CEP170: variants seen among roughly 807,000 people sequenced by gnomAD.
CEP170 encodes centrosomal protein of 170 kDa.
Under a neutral mutation model 151.9 loss-of-function variants are expected in CEP170, and 21 were observed. The ratio of observed to expected loss-of-function variants is 0.14; its 90% CI spans 0.10 to 0.20. The LOEUF (loss-of-function observed/expected upper bound fraction) is 0.20. Ranked by LOEUF, CEP170 falls within the 10% of genes least tolerant of loss-of-function variation. The pLI, the probability that CEP170 is intolerant of heterozygous loss-of-function variation, is 1.00. For synonymous variants in CEP170, 356 were observed against 648.8 expected, an observed-to-expected ratio of 0.55 and a Z score of 6.86; for missense variants, 964 against 1,892.9, an observed-to-expected ratio of 0.51 and a Z score of 9.11.
Position 243,167,610 on chromosome 1 carries a change from A to T in CEP170, c.1844-1494T>A, listed in dbSNP as rs573283118. On this transcript the variant is annotated intron_variant, in intron 12 of 19. Coordinates refer to ENST00000366542, the MANE Select transcript of CEP170 (RefSeq NM_014812.3). ...AAGCTTCCTAATCTTTTAGGGATAA[A>T]TGGAGAAAAGATACTAGATATAGCT... 2.6e-5 allele frequency among the ~76,000 whole-genome samples: 4 copies of T among 151,934 alleles called. No homozygotes were observed. In the South Asian group the frequency reaches 8.3e-4, roughly 32 times the overall value.
chr1:243,154,025 T>C (rs1353721503), intron 14 of CEP170, among the ~76,000 whole-genome samples: 2 of 152,252 alleles, frequency 1.3e-5, no homozygotes, highest in Non-Finnish European at 2.9e-5. Flanking sequence ...GAAAGAAACC[T>C]TCCCTCATCA....
In CEP170 at chr1:243,135,596, C is replaced by T. The variant is rs1204545744; in HGVS notation, c.4319+547G>A. 1.5e-4 allele frequency among the ~76,000 whole-genome samples: 23 copies of T among 152,080 alleles called. No individual in the cohort carries two copies. In the South Asian group the frequency reaches 4.6e-3, roughly 30 times the overall value. On this transcript the variant is annotated intron_variant, in intron 17 of 19. Transcript: ENST00000366542. ...GCCAAGTAAAATTTACCTATATAGG[C>T]CAACTTTCTACATTTCCTTCTGAAT...
chr1:243,239,242 G>A (rs1290126754), intron 1 of CEP170, among the ~76,000 whole-genome samples: 2 of 152,060 alleles, frequency 1.3e-5, no homozygotes, highest in Admixed American at 6.6e-5. Context: ...CCGTCTTAGC[G>A]AATGGCATCA....
chr1:243,198,729 T>C (rs1200936677), intron 7 of CEP170, among the ~76,000 whole-genome samples: 2 of 152,064 alleles, frequency 1.3e-5, no homozygotes, highest in African/African-American at 4.8e-5. Flanking sequence ...TTTGGTCTAA[T>C]TGATATATTT....
chr1:243,172,392 T>C (rs1337544756), intron 11 of CEP170, among the ~76,000 whole-genome samples: 1 of 152,198 alleles, frequency 6.6e-6, no homozygotes, highest in Non-Finnish European at 1.5e-5. Context: ...CCTCGCACCA[T>C]GGGAGGCTGA....
chr1:243,248,912 C>G (rs1387026167), intron 1 of CEP170, among the ~76,000 whole-genome samples: 1 of 152,102 alleles, frequency 6.6e-6, no homozygotes, highest in Non-Finnish European at 1.5e-5. Flanking sequence ...TATCCCATTC[C>G]TGCCTCAGAA....
intron 14 of CEP170, among the ~76,000 whole-genome samples, chr1:243,151,140 C>A (rs2057034669): frequency 1.3e-5 from 2 of 152,222 alleles, no homozygotes; most frequent in African/African-American, 4.8e-5. Context: ...GCCCTCACGG[C>A]TTCCTGTTTC....
chr1:243,161,074 G>A (rs1427596470), intron 13 of CEP170, among the ~76,000 whole-genome samples: 3 of 149,196 alleles, frequency 2.0e-5, no homozygotes, highest in Non-Finnish European at 4.4e-5. Flanking sequence ...TGTAATGCCA[G>A]CACTCTGGGA....
At chr1:243,219,307 T>C (rs1183815376) in intron 3 of CEP170, among the ~76,000 whole-genome samples, 2 of 152,240 alleles carry the variant, frequency 1.3e-5, no homozygotes, top group Admixed American at 1.3e-4. Context: ...ACTCATTACA[T>C]GTTTACACAC....
At chr1:243,249,418 A>AAAAT (rs74729358) in intron 1 of CEP170, among the ~76,000 whole-genome samples, 3,155 of 148,392 alleles carry the variant, frequency 0.021, 47 homozygotes, top group African/African-American at 0.037. Context: ...ACTCTGTCTC[A>AAAAT]AAATAAATAA....
Position 243,238,238 on chromosome 1 carries a change from C to T in CEP170, c.-41-12917G>A, listed in dbSNP as rs778505701. On this transcript the variant is annotated intron_variant, in intron 1 of 19. Coordinates refer to ENST00000366542, the MANE Select transcript of CEP170 (RefSeq NM_014812.3). ...GCCGAGGTGGGACGATCACTTGAGCCGAGGAATTCAGGACCAACCTAGGCA... is the reference window on the plus strand; with the variant it reads ...GCCGAGGTGGGACGATCACTTGAGCTGAGGAATTCAGGACCAACCTAGGCA... 4.6e-5 allele frequency among the ~76,000 whole-genome samples: 7 copies of T among 151,882 alleles called. No individual in the cohort carries two copies. The South Asian group carries it at 6.2e-4, about 14-fold the overall frequency.
chr1:243,152,595 A>C (rs1226266477), intron 14 of CEP170, among the ~76,000 whole-genome samples: 6 of 121,840 alleles, frequency 4.9e-5, no homozygotes, highest in Non-Finnish European at 8.1e-5. Flanking sequence ...GCAGCGGCAC[A>C]ATCTCGGCTC....
At position 243,124,668 on chromosome 1, in the gene CEP170, T is replaced by C. The variant is rs2053569945; in HGVS notation, c.*1781A>G. 1 of 152,566 alleles carries C rather than the reference T, an allele frequency of 6.6e-6. No individual in the cohort carries two copies. The highest frequency in any genetic ancestry group is 1.5e-5 in the Non-Finnish European group (1 of 67,986). The allele number at this position is 152,566 out of a possible 1,614,324, so 9.5% of individuals were successfully genotyped here. ...CTTACCTTCTACTTCCATGTGGATA[T>C]AATCAGTACCCAAATATTAAATAAA... On this transcript the variant is annotated 3_prime_UTR_variant, in exon 20 of 20. Coordinates refer to ENST00000366542, the MANE Select transcript of CEP170 (RefSeq NM_014812.3).
intron 14 of CEP170, 62 bp downstream of exon 14, chr1:243,156,159 G>C: frequency 4.6e-6 from 7 of 1,507,334 alleles, no homozygotes; most frequent in Non-Finnish European, 6.2e-6. Flanking sequence ...GCTAAACTTT[G>C]TTACCAAGTT....
intron 1 of CEP170, among the ~76,000 whole-genome samples, chr1:243,231,177 TCATCATCATCATC>T (rs1383058395): frequency 1.3e-4 from 16 of 126,542 alleles, no homozygotes; most frequent in African/African-American, 3.8e-4. Context: ...ATCATCATCA[TCATCATCATCATC>T]ATTATTATTA....
intron 10 of CEP170, among the ~76,000 whole-genome samples, chr1:243,182,736 A>G (rs555227092): frequency 2.6e-5 from 4 of 152,150 alleles, no homozygotes; most frequent in Admixed American, 2.0e-4. Context: ...ATTTCTGGAA[A>G]ACTCTACCTA....
intron 1 of CEP170, among the ~76,000 whole-genome samples, chr1:243,242,039 A>G (rs1185678168): frequency 6.6e-6 from 1 of 152,170 alleles, no homozygotes; most frequent in Non-Finnish European, 1.5e-5. Flanking sequence ...GTCAAACATT[A>G]GAAATCCTAG....
At chr1:243,178,675 T>C (rs1160154305) in intron 10 of CEP170, among the ~76,000 whole-genome samples, 1 of 152,156 alleles carries the variant, frequency 6.6e-6, no homozygotes, top group Non-Finnish European at 1.5e-5. Flanking sequence ...TTTCATATTA[T>C]ATGAATTTTA....
chr1:243,144,782 T>C (rs1339925989), intron 14 of CEP170, among the ~76,000 whole-genome samples: 1 of 152,174 alleles, frequency 6.6e-6, no homozygotes, highest in Non-Finnish European at 1.5e-5. Flanking sequence ...GAAAACCTAA[T>C]AGATATTTTC....
Sources: allele counts gnomAD v4.1 joint callset (sites outside exome capture counted in the v4.1 genomes callset), GRCh38; gene constraint gnomAD v4.1.1; transcripts MANE v1.5; gene names NCBI Gene and HGNC (gene_info 2026-07-23, HGNC 2026-07-21).